KLF8: variants seen among roughly 807,000 people sequenced by gnomAD.
The protein encoded by KLF8 is Krueppel-like factor 8.
In KLF8, 10 loss-of-function variants were observed where a neutral mutation model predicts 18.2. The observed-to-expected ratio is 0.55, with a 90% CI of 0.34 to 0.93. The LOEUF (loss-of-function observed/expected upper bound fraction) is 0.93, where lower values mean the gene tolerates loss of function less well. Ranked by LOEUF, KLF8 falls within the 40% of genes least tolerant of loss-of-function variation. The pLI, the probability that KLF8 is intolerant of heterozygous loss-of-function variation, is 0.02. For synonymous variants in KLF8, 109 were observed against 97.3 expected, an observed-to-expected ratio of 1.12 and a Z score of -0.71; for missense variants, 264 against 277.9, an observed-to-expected ratio of 0.95 and a Z score of 0.36.
At chrX:56,164,579 GTT>G in the KLF8 span, among the ~76,000 whole-genome samples, 9 of 93,675 alleles carry the variant, frequency 9.6e-5, no homozygotes, top group South Asian at 5.3e-4. Context: ...ACTTTTTCCA[GTT>G]TTTTTTTTTA....
At chrX:56,168,269 C>G in the KLF8 span, among the ~76,000 whole-genome samples, 1 of 111,632 alleles carries the variant, frequency 9.0e-6, no homozygotes, top group East Asian at 2.8e-4. Flanking sequence ...TAACAATGAA[C>G]TATCCAAAAA....
upstream of KLF8, among the ~76,000 whole-genome samples, chrX:56,229,549 T>A (rs1031287538): frequency 8.9e-6 from 1 of 112,026 alleles, no homozygotes; most frequent in Non-Finnish European, 1.9e-5. Flanking sequence ...CCCTTTCGTG[T>A]GACATAGACA....
the KLF8 span, among the ~76,000 whole-genome samples, chrX:55,911,269 A>G: frequency 9.0e-6 from 1 of 111,463 alleles, no homozygotes; most frequent in African/African-American, 3.3e-5. Flanking sequence ...TTGCTTTTTC[A>G]GGAGTGGGAG....
In KLF8 at chrX:56,270,238, G is replaced by T; in HGVS notation, c.815G>T (p.Arg272Leu). 1 of 1,200,869 alleles carries T rather than the reference G, an allele frequency of 8.3e-7. No individual in the cohort carries two copies. Among genetic ancestry groups the T allele is most frequent in the Non-Finnish European group, 1.1e-6 (1 of 888,970 alleles). The change falls in exon 5 of 6, where the codon CGG (arginine) becomes CTG (leucine). Residue 272 changes from arginine (R) to leucine (L), a missense_variant. Around this residue, in one of 2 missense-constraint regions of KLF8, gnomAD observed 43 missense variants for 84.3 expected, o/e 0.51. Coordinates refer to ENST00000468660, the MANE Select transcript of KLF8 (RefSeq NM_007250.5). ...GAGTCGCTTGACTTGAAGAGAAGAC[G>T]GATTCACCAATGTGACTTTGCAGGA... ...GEESLDLKRR[R>L]IHQCDFAGCS...
At chrX:56,080,994 C>G in the KLF8 span, among the ~76,000 whole-genome samples, 2 of 111,173 alleles carry the variant, frequency 1.8e-5, no homozygotes, top group African/African-American at 6.5e-5. Context: ...TGGTTTTCAG[C>G]TCCATCAGCT....
At chrX:56,098,973 C>T in the KLF8 span, among the ~76,000 whole-genome samples, 2 of 111,858 alleles carry the variant, frequency 1.8e-5, no homozygotes, top group South Asian at 3.8e-4. Context: ...TAAAAACAAT[C>T]CCATTTTAAA....
the KLF8 span, among the ~76,000 whole-genome samples, chrX:56,158,787 C>T: frequency 1.8e-5 from 2 of 111,837 alleles, no homozygotes; most frequent in Non-Finnish European, 3.8e-5. Flanking sequence ...AGATTTTGGG[C>T]TGAGACAATG....
At chrX:55,913,303 T>C in the KLF8 span, among the ~76,000 whole-genome samples, 2 of 111,760 alleles carry the variant, frequency 1.8e-5, no homozygotes, top group Non-Finnish European at 3.8e-5. Flanking sequence ...ATGGGTTGAA[T>C]TGTGTTCCCC....
the KLF8 span, among the ~76,000 whole-genome samples, chrX:56,003,799 A>T: frequency 3.2e-4 from 36 of 112,148 alleles, no homozygotes; most frequent in East Asian, 2.2e-3. Context: ...TGTTTTGCTT[A>T]TCATGGGCTT....
the KLF8 span, among the ~76,000 whole-genome samples, chrX:56,034,562 C>T: frequency 9.1e-6 from 1 of 110,277 alleles, no homozygotes; most frequent in East Asian, 2.8e-4. Context: ...GTATGGGGTA[C>T]ATAGTAATAT....
the KLF8 span, among the ~76,000 whole-genome samples, chrX:56,184,154 G>A: frequency 8.0e-5 from 9 of 112,061 alleles, no homozygotes; most frequent in Non-Finnish European, 1.7e-4. Context: ...CTGGAAAATC[G>A]GGTCACTCCC....
At chrX:56,277,230 G>A (rs780923825) in intron 5 of KLF8, among the ~76,000 whole-genome samples, 5 of 111,563 alleles carry the variant, frequency 4.5e-5, no homozygotes, top group South Asian at 3.8e-4. Flanking sequence ...ATTCATTAGC[G>A]TCTGGGCATT....
chrX:56,151,967 T>A, the KLF8 span, among the ~76,000 whole-genome samples: 3 of 111,329 alleles, frequency 2.7e-5, no homozygotes, highest in Non-Finnish European at 3.8e-5. Context: ...AAAATACAAA[T>A]AATCCATTAT....
chrX:56,145,766 A>G, the KLF8 span, among the ~76,000 whole-genome samples: 2 of 111,955 alleles, frequency 1.8e-5, no homozygotes, highest in Non-Finnish European at 3.8e-5. Flanking sequence ...ACATTGTGCT[A>G]ATGAGTGAAC....
At chrX:55,985,411 G>T in the KLF8 span, among the ~76,000 whole-genome samples, 2 of 111,501 alleles carry the variant, frequency 1.8e-5, no homozygotes, top group African/African-American at 6.5e-5. Flanking sequence ...TTATTGTCAG[G>T]TTTGTCAAAG....
In KLF8 at chrX:56,265,424, G is replaced by T; in HGVS notation, c.326G>T (p.Arg109Leu). ...QPASMLQAPI[R>L]PPKPQSSPQT... ...GCTAGCATGCTACAAGCTCCAATAC[G>T]TCCCCCCAAGCCACAGTCTTCTCCC... The change falls in exon 3 of 6, where the codon CGT becomes CTT. Residue 109 changes from arginine to leucine, a missense_variant. Arg to Leu is a moderately radical substitution (Grantham distance 102, BLOSUM62 -2). Transcript: ENST00000468660. The T allele has an allele frequency of 8.3e-7, 1 of 1,210,936 alleles. No individual in the cohort carries two copies. The highest frequency in any genetic ancestry group is 1.1e-6 in the Non-Finnish European group (1 of 895,086).
the KLF8 span, among the ~76,000 whole-genome samples, chrX:56,151,743 G>T: frequency 3.0e-4 from 33 of 111,162 alleles, no homozygotes; most frequent in Non-Finnish European, 5.5e-4. Context: ...TGGAATGAGA[G>T]ATGTGAGTTG....
chrX:56,219,465 G>C, the KLF8 span, among the ~76,000 whole-genome samples: 1 of 112,003 alleles, frequency 8.9e-6, no homozygotes, highest in Non-Finnish European at 1.9e-5. Context: ...ATGGGCCATT[G>C]CTAAAGCGCC....
chrX:56,105,075 A>T, the KLF8 span, among the ~76,000 whole-genome samples: 2 of 112,055 alleles, frequency 1.8e-5, no homozygotes, highest in African/African-American at 6.5e-5. Context: ...CTGTGGTCTG[A>T]GAGACAGTTT....
Sources: gnomAD v4.1 joint callset for allele counts (sites outside exome capture counted in the v4.1 genomes callset) on GRCh38, gnomAD v4.1.1 for gene constraint, gnomAD v4.1.1 regional missense constraint, MANE v1.5 for transcripts, NCBI Gene and HGNC (gene_info 2026-07-23, HGNC 2026-07-21) for gene names.